The following COL4A5 variants were observed in gnomAD, a reference collection of about 807,000 sequenced individuals.
The protein encoded by COL4A5 is collagen alpha-5(IV) chain.
A neutral mutation model predicts 130.2 loss-of-function variants in COL4A5; 26 were observed. That is an observed-to-expected ratio of 0.20 (90% CI 0.15 to 0.28). The LOEUF (loss-of-function observed/expected upper bound fraction) is 0.28, where lower values mean the gene tolerates loss of function less well. Ranked by LOEUF, COL4A5 falls within the 10% of genes least tolerant of loss-of-function variation. The pLI is 1.00. For missense variants in COL4A5, 1,131 were observed against 1,344.3 expected, an observed-to-expected ratio of 0.84 and a Z score of 2.48; for synonymous variants, 496 against 439.6, an observed-to-expected ratio of 1.13 and a Z score of -1.60.
At chrX:108,632,345 A>G (rs1257377123) in intron 36 of COL4A5, among the ~76,000 whole-genome samples, 2 of 110,679 alleles carry the variant, frequency 1.8e-5, no homozygotes, top group Admixed American at 9.6e-5. Context: ...TTAATAGCCT[A>G]CCACCCAAAA....
rs1051501208 is a variant in COL4A5, at chrX:108,682,376, G to A, written c.4216+488G>A. Among the ~76,000 whole-genome samples, 10 of 111,950 alleles carry A rather than the reference G, an allele frequency of 8.9e-5. No homozygotes were observed. In the East Asian group the frequency reaches 2.8e-3, roughly 31 times the overall value. ...ACATACGTGGGCATGTGTCTTTATA[G>A]TAGAATAATTTATAATCCTTTGGGT... On this transcript the variant is annotated intron_variant, in intron 47 of 52. Transcript: ENST00000328300.
intron 2 of COL4A5, among the ~76,000 whole-genome samples, chrX:108,551,498 T>C (rs2065751957): frequency 9.0e-6 from 1 of 111,709 alleles, no homozygotes; most frequent in Non-Finnish European, 1.9e-5. Flanking sequence ...AAAGTTAGAA[T>C]GGCTATTATT....
At chrX:108,644,265 A>T (rs1459781971) in intron 36 of COL4A5, among the ~76,000 whole-genome samples, 1 of 112,034 alleles carries the variant, frequency 8.9e-6, no homozygotes, top group Non-Finnish European at 1.9e-5. Context: ...AAGAAATGAG[A>T]TAGACAGCAA....
At chrX:108,598,900 G>C (rs759624689) in intron 25 of COL4A5, 30 bp downstream of exon 25, 5 of 1,201,838 alleles carry the variant, frequency 4.2e-6, no homozygotes, top group Non-Finnish European at 5.6e-6. Flanking sequence ...TTTTAAACTT[G>C]GTGCTTAAAA....
chrX:108,575,543 C>T (rs754048863), intron 9 of COL4A5, among the ~76,000 whole-genome samples: 83 of 112,526 alleles, frequency 7.4e-4, no homozygotes, highest in Non-Finnish European at 1.4e-3. Context: ...TAAATTTCAT[C>T]CATTTAGTTC....
chrX:108,655,594 A>T (rs56253633), intron 37 of COL4A5, 137 bp downstream of exon 37: 11 of 736,765 alleles, frequency 1.5e-5, no homozygotes, highest in Non-Finnish European at 2.0e-6. Context: ...ATCTCAAACT[A>T]TCTCTTTACC....
chrX:108,668,617 G>A (rs1291527695), intron 41 of COL4A5, 113 bp downstream of exon 41: 1 of 561,105 alleles, frequency 1.8e-6, no homozygotes, highest in African/African-American at 2.4e-5. Flanking sequence ...ATTGGAGGAT[G>A]TTAAAAAAAA....
intron 1 of COL4A5, chrX:108,443,087 C>T (rs1458766814): frequency 3.6e-5 from 4 of 111,223 alleles, no homozygotes; most frequent in African/African-American, 1.3e-4. Flanking sequence ...GGATCTCTGC[C>T]ACTTTTTTTG....
intron 36 of COL4A5, among the ~76,000 whole-genome samples, chrX:108,653,944 T>A (rs763061620): frequency 2.7e-5 from 3 of 112,099 alleles, no homozygotes; most frequent in Non-Finnish European, 3.8e-5. Context: ...ATTCTTAATT[T>A]TTTTAAATAA....
intron 1 of COL4A5, among the ~76,000 whole-genome samples, chrX:108,509,821 A>G (rs2065163294): frequency 8.9e-6 from 1 of 112,242 alleles, no homozygotes; most frequent in African/African-American, 3.2e-5. Context: ...ACCCAGAGGA[A>G]TATAAAGCAT....
At chrX:108,542,864 A>G (rs1191901560) in intron 2 of COL4A5, among the ~76,000 whole-genome samples, 5 of 106,424 alleles carry the variant, frequency 4.7e-5, no homozygotes, top group Non-Finnish European at 7.7e-5. Context: ...GCCAGTGATG[A>G]TGAGCATTTT....
In COL4A5 at chrX:108,697,507, A is replaced by G. The variant is rs2068754764; in HGVS notation, c.*1129A>G. 1 of 111,148 alleles carries G rather than the reference A, an allele frequency of 9.0e-6. No individual in the cohort carries two copies. Among genetic ancestry groups the G allele is most frequent in the South Asian group, 3.8e-4 (1 of 2,660 alleles). 9.2% of individuals were successfully genotyped at this position (111,148 alleles called of 1,213,427 possible). On this transcript the variant is annotated 3_prime_UTR_variant, in exon 53 of 53. Transcript: ENST00000328300. ...TCCTGACTTAATGTTTTTTAAACCC[A>G]CCAATATAAATTTAATTAAAGATAT...
At chrX:108,600,000 G>A (rs189368250) in intron 25 of COL4A5, among the ~76,000 whole-genome samples, 1 of 112,112 alleles carries the variant, frequency 8.9e-6, no homozygotes, top group Admixed American at 9.4e-5. Flanking sequence ...AATATTTTAT[G>A]TTGATTTACA....
chrX:108,689,899 G>A lies in COL4A5; in HGVS notation c.4528+2205G>A, dbSNP rs777128068. 77 of 752,729 alleles carry A rather than the reference G, an allele frequency of 1.0e-4. No individual in the cohort carries two copies. In the East Asian group the frequency reaches 1.1e-3, roughly 10 times the overall value. 62.0% of individuals were successfully genotyped at this position (752,729 alleles called of 1,213,427 possible). A position where few individuals can be genotyped will look rare whatever the true frequency, so the allele number is the denominator to read the frequency against. On this transcript the variant is annotated intron_variant, in intron 49 of 52. Coordinates refer to ENST00000328300, the MANE Select transcript of COL4A5 (RefSeq NM_033380.3). ...GAGTATATGGGATCACTCTCTCTTCGAAAATTTGGAGACTATAACCCAGAA... is the reference window on the plus strand; with the variant it reads ...GAGTATATGGGATCACTCTCTCTTCAAAAATTTGGAGACTATAACCCAGAA...
At chrX:108,606,145 G>A (rs1316738638) in intron 28 of COL4A5, among the ~76,000 whole-genome samples, 1 of 111,583 alleles carries the variant, frequency 9.0e-6, no homozygotes, top group Non-Finnish European at 1.9e-5. Context: ...TTCTCTATTG[G>A]TTGATTCTCT....
At chrX:108,471,430 G>T (rs2064768953) in intron 1 of COL4A5, among the ~76,000 whole-genome samples, 1 of 111,114 alleles carries the variant, frequency 9.0e-6, no homozygotes, top group African/African-American at 3.3e-5. Context: ...TTCTTGATTT[G>T]GCTCTCAGCT....
At chrX:108,634,770 G>C (rs1454660965) in intron 36 of COL4A5, among the ~76,000 whole-genome samples, 1 of 110,234 alleles carries the variant, frequency 9.1e-6, no homozygotes, top group Admixed American at 9.7e-5. Flanking sequence ...TTAATGTTTT[G>C]ATAACATTTT....
chrX:108,545,677 C>G (rs1266747028), intron 2 of COL4A5, among the ~76,000 whole-genome samples: 7 of 110,785 alleles, frequency 6.3e-5, no homozygotes, highest in Admixed American at 1.9e-4. Flanking sequence ...AACTTTCTGT[C>G]TTGTTGATTT....
chrX:108,623,847 T>C (rs1306883554), intron 33 of COL4A5, among the ~76,000 whole-genome samples: 4 of 112,153 alleles, frequency 3.6e-5, no homozygotes, highest in Non-Finnish European at 7.5e-5. Context: ...GCAAGGCTTC[T>C]TTTCTGTTTC....
Sources: allele counts gnomAD v4.1 joint callset (sites outside exome capture counted in the v4.1 genomes callset), GRCh38; gene constraint gnomAD v4.1.1; transcripts MANE v1.5; gene names NCBI Gene and HGNC (gene_info 2026-07-23, HGNC 2026-07-21).